The following GRB2 variants were observed in gnomAD, a reference collection of about 807,000 sequenced individuals.
GRB2 encodes growth factor receptor bound protein 2, also known as growth factor receptor-bound protein 2.
Under a neutral mutation model 27.4 loss-of-function variants are expected in GRB2, and 2 were observed. The observed-to-expected ratio is 0.07, with a 90% CI of 0.03 to 0.23. GRB2 has a LOEUF of 0.23. Among genes scored for constraint, GRB2 ranks in the 10% least tolerant of loss-of-function variants. The pLI, the probability that GRB2 is intolerant of heterozygous loss-of-function variation, is 1.00. For missense variants in GRB2, 102 were observed against 282.4 expected, an observed-to-expected ratio of 0.36 and a Z score of 4.58; for synonymous variants, 94 against 99.6, an observed-to-expected ratio of 0.94 and a Z score of 0.33.
intron 1 of GRB2, among the ~76,000 whole-genome samples, chr17:75,396,826 G>C (rs1368393915): frequency 6.6e-6 from 1 of 152,252 alleles, no homozygotes; most frequent in East Asian, 1.9e-4. Context: ...TACAATGATA[G>C]GAAAAGAATA....
chr17:75,401,252 T>C (rs1215148565), intron 1 of GRB2, among the ~76,000 whole-genome samples: 4 of 151,738 alleles, frequency 2.6e-5, no homozygotes, highest in African/African-American at 9.7e-5. Context: ...GAGACCATCC[T>C]GGCTAACAAG....
intron 2 of GRB2, among the ~76,000 whole-genome samples, chr17:75,352,712 G>A (rs1402749877): frequency 6.6e-6 from 1 of 152,112 alleles, no homozygotes; most frequent in South Asian, 2.1e-4. Flanking sequence ...TCCCCTCTAT[G>A]CAGTAAAAGT....
chr17:75,322,475 A>G (rs1357172083), intron 4 of GRB2, among the ~76,000 whole-genome samples: 2 of 152,204 alleles, frequency 1.3e-5, no homozygotes, highest in Non-Finnish European at 2.9e-5. Context: ...GAATAAAAAA[A>G]TAATTAAAAT....
chr17:75,321,838 C>G lies in GRB2; in HGVS notation c.300-11G>C. The G allele has an allele frequency of 6.2e-7, 1 of 1,612,796 alleles. No homozygotes were observed. The highest frequency in any genetic ancestry group is 8.5e-7 in the Non-Finnish European group (1 of 1,179,882). On this transcript the variant is annotated splice_polypyrimidine_tract_variant and intron_variant, in intron 4 of 5. Coordinates refer to ENST00000316804, the MANE Select transcript of GRB2 (RefSeq NM_002086.5). ...ACATCGTTTCCAAACCTGGGAGGGACAGAAAGCACATGTGACCGGCTAAAG... is the reference window on the plus strand; with the variant it reads ...ACATCGTTTCCAAACCTGGGAGGGAGAGAAAGCACATGTGACCGGCTAAAG...
chr17:75,367,578 G>C (rs2078827975), intron 2 of GRB2, among the ~76,000 whole-genome samples: 1 of 152,176 alleles, frequency 6.6e-6, no homozygotes, highest in Non-Finnish European at 1.5e-5. Context: ...CTTCTTGCTG[G>C]GAAATATGCA....
At chr17:75,326,482 G>C (rs1303134208) in intron 3 of GRB2, 7 of 164,140 alleles carry the variant, frequency 4.3e-5, no homozygotes, top group African/African-American at 1.4e-4. Context: ...AAACCTGGAC[G>C]GCCAGGAGCT....
intron 1 of GRB2, 134 bp downstream of exon 1, chr17:75,405,355 C>A (rs909618718): frequency 1.3e-5 from 2 of 152,388 alleles, no homozygotes; most frequent in Admixed American, 1.3e-4. Context: ...CCGGGGATTG[C>A]GCTCCACGTC....
At chr17:75,400,747 T>C (rs2079058293) in intron 1 of GRB2, among the ~76,000 whole-genome samples, 1 of 152,128 alleles carries the variant, frequency 6.6e-6, no homozygotes, top group Non-Finnish European at 1.5e-5. Flanking sequence ...CCTCAAGTGA[T>C]CCGCCCACCT....
chr17:75,339,656 C>T (rs1318757718), intron 2 of GRB2, among the ~76,000 whole-genome samples: 1 of 138,518 alleles, frequency 7.2e-6, no homozygotes, highest in Non-Finnish European at 1.6e-5. Context: ...CTTCAGTTTT[C>T]ACTCTTGTTA....
intron 3 of GRB2, 197 bp from the exon 4 acceptor site, chr17:75,326,217 C>A: frequency 1.7e-6 from 1 of 593,274 alleles, no homozygotes; most frequent in Non-Finnish European, 3.0e-6. Context: ...TAGCCTACTC[C>A]ATTTCCCAGA....
rs915993679 is a variant in GRB2 at position 75,379,398 on chromosome 17, C to T, written c.78+14153G>A. Among the ~76,000 whole-genome samples the T allele has an allele frequency of 8.2e-5, 5 of 60,858 alleles. No homozygotes were observed. In the East Asian group the frequency reaches 4.3e-3, roughly 52 times the overall value. 39.9% of individuals were successfully genotyped at this position (60,858 alleles called of 152,430 possible). ...ATTAAATAAAGAAGACACTTGATTT[C>T]TTAAAAAAAAAAAAAAGAAAGACAG... On this transcript the variant is annotated intron_variant, in intron 2 of 5. Transcript: ENST00000316804.
Position 75,340,582 on chromosome 17 carries a change from T to C in GRB2, c.79-7785A>G, listed in dbSNP as rs765664143. On this transcript the variant is annotated intron_variant, in intron 2 of 5. Coordinates refer to ENST00000316804, the MANE Select transcript of GRB2 (RefSeq NM_002086.5). ...AAGAATAAATTCTAAGGGCCCTGGC[T>C]AGGGTAACAGTAATGGGAGAGCCAC... Among the ~76,000 whole-genome samples, 5 of 152,342 alleles carry C rather than the reference T, an allele frequency of 3.3e-5. No individual in the cohort carries two copies. In the South Asian group the frequency reaches 1.0e-3, roughly 32 times the overall value.
intron 1 of GRB2, chr17:75,405,057 G>C (rs971462080): frequency 6.6e-6 from 1 of 152,002 alleles, no homozygotes; most frequent in Non-Finnish European, 1.5e-5. Flanking sequence ...TAAGCCCAAA[G>C]ACGCCAGGAG....
At chr17:75,401,370 G>A (rs570978852) in intron 1 of GRB2, among the ~76,000 whole-genome samples, 5 of 149,978 alleles carry the variant, frequency 3.3e-5, no homozygotes, top group South Asian at 4.2e-4. Flanking sequence ...GCGTGAACCC[G>A]GGAAGCGGAG....
At chr17:75,402,305 A>G (rs758487540) in intron 1 of GRB2, among the ~76,000 whole-genome samples, 7 of 152,156 alleles carry the variant, frequency 4.6e-5, no homozygotes, top group Non-Finnish European at 8.8e-5. Flanking sequence ...GAGTCTACAG[A>G]CTCAGAAGAA....
chr17:75,379,864 C>T (rs1188833256), intron 2 of GRB2, among the ~76,000 whole-genome samples: 5 of 152,172 alleles, frequency 3.3e-5, no homozygotes, highest in Non-Finnish European at 7.3e-5. Context: ...GAAATGGAAA[C>T]ATGAACCTCT....
Position 75,356,423 on chromosome 17 carries a change from G to A in GRB2, c.79-23626C>T, listed in dbSNP as rs146678138. Among the ~76,000 whole-genome samples the A allele has an allele frequency of 7.6e-3, 1,153 of 152,196 alleles. 8 individuals are homozygous for A. Among genetic ancestry groups the A allele is most frequent in the African/African-American group, 0.026 (1,070 of 41,516 alleles). On this transcript the variant is annotated intron_variant, in intron 2 of 5. Coordinates refer to ENST00000316804, the MANE Select transcript of GRB2 (RefSeq NM_002086.5). ...CTTGGGAGGCTGAGGCAGGAGGATC[G>A]CTTGAGCCCAGGAGGTCGAGGCTGC...
At chr17:75,376,732 C>T (rs1196901713) in intron 2 of GRB2, among the ~76,000 whole-genome samples, 1 of 151,738 alleles carries the variant, frequency 6.6e-6, no homozygotes, top group East Asian at 1.9e-4. Flanking sequence ...AGGTGGCTTA[C>T]ACCTGTAATC....
At chr17:75,359,941 T>C (rs1282340872) in intron 2 of GRB2, among the ~76,000 whole-genome samples, 11 of 151,418 alleles carry the variant, frequency 7.3e-5, no homozygotes, top group African/African-American at 9.7e-5. Flanking sequence ...ATAAATGTTG[T>C]TGGAAAAAGT....
Sources: gnomAD v4.1 joint callset for allele counts (sites outside exome capture counted in the v4.1 genomes callset) on GRCh38, gnomAD v4.1.1 for gene constraint, MANE v1.5 for transcripts, NCBI Gene and HGNC (gene_info 2026-07-23, HGNC 2026-07-21) for gene names.